PTBP3: variants seen among roughly 807,000 people sequenced by gnomAD.
PTBP3 encodes the protein polypyrimidine tract binding protein 3.
Under a neutral mutation model 58.7 loss-of-function variants are expected in PTBP3, and 20 were observed. The ratio of observed to expected loss-of-function variants is 0.34; its 90% confidence interval spans 0.24 to 0.50. The LOEUF is 0.50. PTBP3 is among the 20% of genes least tolerant of loss of function. PTBP3 has a pLI of 0.98. For synonymous variants in PTBP3, 185 were observed against 219.8 expected, an observed-to-expected ratio of 0.84 and a Z score of 1.40; for missense variants, 509 against 637.2, an observed-to-expected ratio of 0.80 and a Z score of 2.17.
chr9:112,241,892 A>G (rs1835674525), intron 7 of PTBP3, among the ~76,000 whole-genome samples: 1 of 152,230 alleles, frequency 6.6e-6, no homozygotes, highest in South Asian at 2.1e-4. Context: ...ATATACAAAC[A>G]GAATTATAGA....
At chr9:112,289,487 G>A (rs10114946) in intron 2 of PTBP3, among the ~76,000 whole-genome samples, 127,901 of 152,184 alleles carry the variant, frequency 0.84, 54,041 homozygotes, top group African/African-American at 0.92. Context: ...TTGGTCAACA[G>A]AAGTACCAGG....
At chr9:112,228,166 A>G (rs920465254) in intron 11 of PTBP3, among the ~76,000 whole-genome samples, 2 of 152,214 alleles carry the variant, frequency 1.3e-5, no homozygotes, top group African/African-American at 4.8e-5. Context: ...GAAATTAACA[A>G]TATGTTCACG....
At chr9:112,330,404 T>C (rs1564469465) in intron 1 of PTBP3, 10 of 1,418,606 alleles carry the variant, frequency 7.0e-6, no homozygotes, top group East Asian at 2.3e-5. Flanking sequence ...CCAAAAGATA[T>C]AAAAATGCAT....
intron 1 of PTBP3, among the ~76,000 whole-genome samples, chr9:112,328,552 A>G (rs1028618159): frequency 5.9e-5 from 9 of 152,214 alleles, no homozygotes; most frequent in Admixed American, 1.3e-4. Flanking sequence ...ACATATCTTT[A>G]GGGCAGGCAC....
At chr9:112,373,339 T>C in the PTBP3 span, among the ~76,000 whole-genome samples, 2 of 152,186 alleles carry the variant, frequency 1.3e-5, no homozygotes, top group Non-Finnish European at 2.9e-5. Flanking sequence ...TGCATCCAGC[T>C]TGGGAGAAAG....
chr9:112,261,790 G>C (rs548976385), intron 5 of PTBP3, among the ~76,000 whole-genome samples: 1 of 152,156 alleles, frequency 6.6e-6, no homozygotes, highest in Non-Finnish European at 1.5e-5. Context: ...ATTACATCAG[G>C]AAGCTTCAAT....
rs1447936561 is a variant in PTBP3, at chr9:112,247,969, G to A, written c.802+2960C>T. Reference sequence around the variant, plus strand: ...ATACATACATACACATAAATACTCAGATGATCTAAGTAAATATGGCATGAT... The same window carrying A: ...ATACATACATACACATAAATACTCAAATGATCTAAGTAAATATGGCATGAT... On this transcript the variant is annotated intron_variant, in intron 7 of 13. Coordinates refer to ENST00000374257, the MANE Select transcript of PTBP3 (RefSeq NM_001163788.4). Among the ~76,000 whole-genome samples, 4 of 151,960 alleles carry A rather than the reference G, an allele frequency of 2.6e-5. No homozygotes were observed. In the East Asian group the frequency reaches 7.7e-4, roughly 29 times the overall value.
the PTBP3 span, among the ~76,000 whole-genome samples, chr9:112,350,625 GAA>G: frequency 6.6e-6 from 1 of 152,106 alleles, no homozygotes; most frequent in Non-Finnish European, 1.5e-5. Context: ...ACCAGAACCA[GAA>G]AAGAAATTTC....
the PTBP3 span, among the ~76,000 whole-genome samples, chr9:112,358,965 T>G: frequency 0.91 from 139,121 of 152,176 alleles, 63,657 homozygotes; most frequent in African/African-American, 0.95. Flanking sequence ...CTCCTGAGTA[T>G]ATGGGACCAC....
intron 1 of PTBP3, among the ~76,000 whole-genome samples, chr9:112,327,706 T>A (rs1472053995): frequency 6.6e-6 from 1 of 151,890 alleles, no homozygotes; most frequent in Non-Finnish European, 1.5e-5. Context: ...GAGACAGCCC[T>A]AAGCTGCCTG....
intron 4 of PTBP3, among the ~76,000 whole-genome samples, chr9:112,267,228 C>A (rs1010745270): frequency 6.6e-6 from 1 of 150,792 alleles, no homozygotes; most frequent in Non-Finnish European, 1.5e-5. Context: ...TGCAGTGGCA[C>A]GGTCTCGGCT....
At chr9:112,319,688 G>T (rs1829843308) in intron 1 of PTBP3, among the ~76,000 whole-genome samples, 1 of 143,834 alleles carries the variant, frequency 7.0e-6, no homozygotes, top group African/African-American at 2.7e-5. Context: ...ATATCCAGAG[G>T]AAATGGAGTC....
chr9:112,307,281 C>T (rs1444222536), intron 1 of PTBP3, among the ~76,000 whole-genome samples: 4 of 152,038 alleles, frequency 2.6e-5, no homozygotes, highest in African/African-American at 9.7e-5. Context: ...AATGAGATCC[C>T]ATCTCTACCA....
At chr9:112,343,106 G>A in the PTBP3 span, among the ~76,000 whole-genome samples, 1 of 152,158 alleles carries the variant, frequency 6.6e-6, no homozygotes, top group Non-Finnish European at 1.5e-5. Context: ...TGAGCCTAGA[G>A]TATCTTGAGG....
chr9:112,264,721 T>A (rs776520995), intron 4 of PTBP3, among the ~76,000 whole-genome samples: 20 of 152,166 alleles, frequency 1.3e-4, no homozygotes, highest in Non-Finnish European at 2.5e-4. Flanking sequence ...ATAAAAGTTG[T>A]ACAAAAGCAA....
chr9:112,271,011 G>C (rs1434688832), intron 3 of PTBP3, among the ~76,000 whole-genome samples: 6 of 151,916 alleles, frequency 3.9e-5, no homozygotes, highest in Non-Finnish European at 8.8e-5. Flanking sequence ...ATTTTTAGTA[G>C]AGAAGGGGCT....
intron 8 of PTBP3, among the ~76,000 whole-genome samples, chr9:112,233,233 T>C (rs1437330216): frequency 6.6e-6 from 1 of 151,736 alleles, no homozygotes; most frequent in Non-Finnish European, 1.5e-5. Flanking sequence ...TGTATGTCTG[T>C]TATTCATGAG....
rs529957536 is a variant in PTBP3 at position 112,244,519 on chromosome 9, T to A, written c.802+6410A>T. Among the ~76,000 whole-genome samples the A allele has an allele frequency of 2.8e-4, 42 of 150,754 alleles. No individual in the cohort carries two copies. The South Asian group carries it at 5.7e-3, about 20-fold the overall frequency. Reference sequence around the variant, plus strand: ...AGGGACCCTACCTCTACAAAAAAATTTTTTTTTTAATTAGCAGAGCATGGT... The same window carrying A: ...AGGGACCCTACCTCTACAAAAAAATATTTTTTTTAATTAGCAGAGCATGGT... On this transcript the variant is annotated intron_variant, in intron 7 of 13. Coordinates refer to ENST00000374257, the MANE Select transcript of PTBP3 (RefSeq NM_001163788.4).
At position 112,218,744 on chromosome 9, in the gene PTBP3, C is replaced by T. The variant is rs1006287481; in HGVS notation, c.*5107G>A. The T allele has an allele frequency of 5.9e-5, 9 of 152,572 alleles. No homozygotes were observed. The highest frequency in any genetic ancestry group is 2.2e-4 in the African/African-American group (9 of 41,428). The allele number at this position is 152,572 out of a possible 1,614,324, so 9.5% of individuals were successfully genotyped here. On this transcript the variant is annotated 3_prime_UTR_variant, in exon 14 of 14. Coordinates refer to ENST00000374257, the MANE Select transcript of PTBP3 (RefSeq NM_001163788.4). ...GGTACTGCTGCTTATCCAAAATATA[C>T]AAGACAATTGATGTTTTATATAAAA...
Sources: gnomAD v4.1 joint callset for allele counts (sites outside exome capture counted in the v4.1 genomes callset) on GRCh38, gnomAD v4.1.1 for gene constraint, MANE v1.5 for transcripts, NCBI Gene and HGNC (gene_info 2026-07-23, HGNC 2026-07-21) for gene names.